Variants in TMCO5A observed in about 807,000 individuals in gnomAD.
TMCO5A encodes the protein transmembrane and coiled-coil domain-containing protein 5A.
A neutral mutation model predicts 42.3 loss-of-function variants in TMCO5A; 34 were observed. That is an observed-to-expected ratio of 0.80 (90% CI 0.61 to 1.07). TMCO5A has a LOEUF of 1.07. Among genes scored for constraint, TMCO5A ranks in the 50% least tolerant of loss-of-function variants. The pLI is 0.00. For missense variants in TMCO5A, 357 were observed against 327.9 expected (o/e 1.09, Z -0.69); for synonymous variants, 131 against 115.6 (o/e 1.13, Z -0.86).
the TMCO5A span, among the ~76,000 whole-genome samples, chr15:38,029,462 A>C: frequency 7.8e-4 from 118 of 151,960 alleles, no homozygotes; most frequent in African/African-American, 2.7e-3. Flanking sequence ...CAAAATCAGT[A>C]GTTTATTTTA....
chr15:38,030,730 T>C, the TMCO5A span, among the ~76,000 whole-genome samples: 1 of 152,150 alleles, frequency 6.6e-6, no homozygotes, highest in Non-Finnish European at 1.5e-5. Context: ...TTGAACTACT[T>C]GCAGTTCCCC....
the TMCO5A span, among the ~76,000 whole-genome samples, chr15:38,003,905 G>A: frequency 1.3e-5 from 2 of 152,076 alleles, no homozygotes; most frequent in African/African-American, 4.8e-5. Context: ...GAGTAGAGCT[G>A]GTGGTACCCA....
At chr15:37,996,123 C>G in the TMCO5A span, among the ~76,000 whole-genome samples, 1 of 152,194 alleles carries the variant, frequency 6.6e-6, no homozygotes, top group Non-Finnish European at 1.5e-5. Flanking sequence ...CTGTTCTTTT[C>G]AACTCACTGA....
At chr15:38,009,268 A>C in the TMCO5A span, among the ~76,000 whole-genome samples, 2 of 152,162 alleles carry the variant, frequency 1.3e-5, no homozygotes, top group Non-Finnish European at 2.9e-5. Flanking sequence ...AATCCATCCA[A>C]AACTAATTAT....
intron 6 of TMCO5A, 110 bp from the exon 7 acceptor site, chr15:37,941,039 A>G: frequency 1.1e-6 from 1 of 912,166 alleles, no homozygotes; most frequent in Non-Finnish European, 1.8e-6. Context: ...AGACGTGTGA[A>G]GTCATGGCCC....
At chr15:38,023,827 A>G in the TMCO5A span, among the ~76,000 whole-genome samples, 1 of 152,188 alleles carries the variant, frequency 6.6e-6, no homozygotes, top group Non-Finnish European at 1.5e-5. Flanking sequence ...CTTACAGAAA[A>G]GGATTTAGTA....
intron 6 of TMCO5A, among the ~76,000 whole-genome samples, chr15:37,939,562 G>A (rs1341207508): frequency 1.3e-5 from 2 of 152,060 alleles, no homozygotes; most frequent in African/African-American, 4.8e-5. Flanking sequence ...CACTCACATT[G>A]TCAGATGACA....
chr15:38,024,472 C>T, the TMCO5A span, among the ~76,000 whole-genome samples: 2 of 152,144 alleles, frequency 1.3e-5, no homozygotes, highest in Non-Finnish European at 2.9e-5. Flanking sequence ...GTTCCATTTT[C>T]CCCCATTGAA....
At chr15:38,025,167 GTGTGTGTGT>G in the TMCO5A span, 4 of 28,892 alleles carry the variant, frequency 1.4e-4, no homozygotes, top group African/African-American at 4.5e-4. Flanking sequence ...TTTTGGGTGT[GTGTGTGTGT>G]GTGTGTGTGT....
At chr15:38,024,765 A>G in the TMCO5A span, 2 of 152,268 alleles carry the variant, frequency 1.3e-5, no homozygotes, top group Non-Finnish European at 2.9e-5. Context: ...CTGGACTAGG[A>G]ATGTGAATAT....
At chr15:38,005,554 G>A in the TMCO5A span, among the ~76,000 whole-genome samples, 21 of 152,036 alleles carry the variant, frequency 1.4e-4, 1 homozygote, top group Admixed American at 1.3e-3. Context: ...TCTAGCCTAC[G>A]TGACAGAGTA....
intron 11 of TMCO5A, among the ~76,000 whole-genome samples, chr15:37,957,693 C>A (rs949728608): frequency 6.6e-6 from 1 of 152,110 alleles, no homozygotes; most frequent in Non-Finnish European, 1.5e-5. Context: ...TCAGTGCTAT[C>A]CCTATCAAGC....
At chr15:37,944,226 G>A (rs1889853753) in intron 10 of TMCO5A, 1 of 152,042 alleles carries the variant, frequency 6.6e-6, no homozygotes, top group African/African-American at 2.4e-5. Flanking sequence ...GTTCTTAAGA[G>A]TACTGAACAA....
chr15:37,985,258 G>T, the TMCO5A span, among the ~76,000 whole-genome samples: 1 of 152,144 alleles, frequency 6.6e-6, no homozygotes, highest in African/African-American at 2.4e-5. Context: ...CCATGTGGAA[G>T]GTTATAGAAT....
the TMCO5A span, among the ~76,000 whole-genome samples, chr15:37,992,047 T>G: frequency 1.3e-5 from 2 of 152,002 alleles, no homozygotes; most frequent in East Asian, 3.9e-4. Flanking sequence ...ACATCAAAAG[T>G]AGCTATCAAG....
At chr15:37,986,423 G>GTGTGTT in the TMCO5A span, among the ~76,000 whole-genome samples, 137 of 147,148 alleles carry the variant, frequency 9.3e-4, 1 homozygote, top group Middle Eastern at 3.5e-3. Context: ...GTGTGTGTGT[G>GTGTGTT]TTTAAATCAA....
the TMCO5A span, among the ~76,000 whole-genome samples, chr15:38,017,473 G>A: frequency 6.6e-6 from 1 of 152,252 alleles, no homozygotes; most frequent in African/African-American, 2.4e-5. Context: ...CCGGAGAGGA[G>A]CCAGAGAAAT....
At chr15:37,982,067 C>T in the TMCO5A span, among the ~76,000 whole-genome samples, 5 of 152,136 alleles carry the variant, frequency 3.3e-5, no homozygotes, top group African/African-American at 4.8e-5. Flanking sequence ...CTGCTAGATG[C>T]GGAACAGATG....
At chr15:37,941,300 G>A (rs1191669002) in intron 7 of TMCO5A, 95 bp downstream of exon 7, 1 of 1,297,162 alleles carries the variant, frequency 7.7e-7, no homozygotes, top group Non-Finnish European at 1.1e-6. Context: ...TTTACATTAA[G>A]GTTCCAGATC....
Sources: gnomAD v4.1 joint callset for allele counts (sites outside exome capture counted in the v4.1 genomes callset) on GRCh38, gnomAD v4.1.1 for gene constraint, MANE v1.5 for transcripts, NCBI Gene and HGNC (gene_info 2026-07-23, HGNC 2026-07-21) for gene names.